The following SEMA3C variants were observed in gnomAD, a reference collection of about 807,000 sequenced individuals.
The protein encoded by SEMA3C is semaphorin 3C, also known as semaphorin-3C.
In SEMA3C, 47 loss-of-function variants were observed where a neutral mutation model predicts 89.4. The ratio of observed to expected loss-of-function variants is 0.53; its 90% CI spans 0.42 to 0.67. The LOEUF (loss-of-function observed/expected upper bound fraction) is 0.67. Ranked by LOEUF, SEMA3C falls within the 30% of genes least tolerant of loss-of-function variation. SEMA3C has a pLI of 0.00. For missense variants in SEMA3C, 839 were observed against 929.1 expected, an observed-to-expected ratio of 0.90 and a Z score of 1.26; for synonymous variants, 310 against 320.2, an observed-to-expected ratio of 0.97 and a Z score of 0.34.
chr7:80,798,781 A>C (rs559535068), intron 10 of SEMA3C, among the ~76,000 whole-genome samples: 26 of 152,110 alleles, frequency 1.7e-4, no homozygotes, highest in Middle Eastern at 6.8e-3. Context: ...ATAGGGGCCC[A>C]AAAAAAATTC....
At chr7:80,785,574 A>T (rs1788782327) in intron 12 of SEMA3C, among the ~76,000 whole-genome samples, 1 of 152,156 alleles carries the variant, frequency 6.6e-6, no homozygotes, top group African/African-American at 2.4e-5. Flanking sequence ...ATTCTCCCCT[A>T]AAAAAGCTAT....
intron 2 of SEMA3C, among the ~76,000 whole-genome samples, chr7:80,880,991 G>A (rs1463237561): frequency 2.0e-5 from 3 of 151,924 alleles, no homozygotes; most frequent in Non-Finnish European, 4.4e-5. Context: ...TACCCTTTAA[G>A]GGAGTCTCTT....
chr7:80,762,556 C>T (rs769820413), intron 13 of SEMA3C, among the ~76,000 whole-genome samples: 8 of 152,176 alleles, frequency 5.3e-5, no homozygotes, highest in South Asian at 2.1e-4. Flanking sequence ...CAGTGGCTCA[C>T]GCCTGTAATC....
At chr7:80,880,613 C>T (rs1457545597) in intron 2 of SEMA3C, among the ~76,000 whole-genome samples, 1 of 152,116 alleles carries the variant, frequency 6.6e-6, no homozygotes, top group African/African-American at 2.4e-5. Context: ...TCCATGTATA[C>T]GCCATAATCT....
At chr7:80,753,855 T>C (rs1266710080) in intron 15 of SEMA3C, among the ~76,000 whole-genome samples, 3 of 152,254 alleles carry the variant, frequency 2.0e-5, no homozygotes, top group Non-Finnish European at 2.9e-5. Flanking sequence ...CAATATTTGA[T>C]ACAAATCCAC....
chr7:80,796,052 T>G (rs1220205235), intron 11 of SEMA3C, among the ~76,000 whole-genome samples: 1 of 152,134 alleles, frequency 6.6e-6, no homozygotes, highest in Non-Finnish European at 1.5e-5. Flanking sequence ...TCTCTTAAGT[T>G]TTTTTAGGGG....
intron 2 of SEMA3C, among the ~76,000 whole-genome samples, chr7:80,834,724 T>C (rs1205958585): frequency 6.6e-6 from 1 of 152,126 alleles, no homozygotes; most frequent in African/African-American, 2.4e-5. Context: ...CTGTGGAAGA[T>C]TGGTTCCAGG....
intron 2 of SEMA3C, among the ~76,000 whole-genome samples, chr7:80,851,330 C>A (rs1343641432): frequency 1.3e-5 from 2 of 151,626 alleles, no homozygotes; most frequent in Non-Finnish European, 2.9e-5. Context: ...CATGGTGAAA[C>A]CCCATCTCTA....
In SEMA3C at chr7:80,743,612, T is replaced by A. The variant is rs1306875671; in HGVS notation, c.*1282A>T. 1 of 151,892 alleles carries A rather than the reference T, an allele frequency of 6.6e-6. No homozygotes were observed. Among genetic ancestry groups the A allele is most frequent in the Admixed American group, 6.6e-5 (1 of 15,240 alleles). 9.4% of individuals were successfully genotyped at this position (151,892 alleles called of 1,614,324 possible). On this transcript the variant is annotated 3_prime_UTR_variant, in exon 18 of 18. Transcript: ENST00000265361. ...ATTTTTTTCACATTTTTCCATCTAA[T>A]TTTTATTTGGAGAAAATAATTTCAG...
chr7:80,788,399 G>A (rs1460355491), intron 12 of SEMA3C, among the ~76,000 whole-genome samples: 1 of 152,216 alleles, frequency 6.6e-6, no homozygotes, highest in Admixed American at 6.5e-5. Flanking sequence ...AAAGACGTGA[G>A]TAGTGGTTCC....
intron 2 of SEMA3C, among the ~76,000 whole-genome samples, chr7:80,901,383 G>A (rs1791876314): frequency 6.6e-6 from 1 of 152,152 alleles, no homozygotes; most frequent in South Asian, 2.1e-4. Flanking sequence ...CACCACAGCT[G>A]TGAAACTCAC....
chr7:80,793,223 A>G (rs1202772486), intron 11 of SEMA3C: 1 of 178,936 alleles, frequency 5.6e-6, no homozygotes, highest in African/African-American at 2.4e-5. Context: ...ATGAAATGCT[A>G]GGAACAATAA....
intron 5 of SEMA3C, among the ~76,000 whole-genome samples, chr7:80,815,154 GAAAAT>G (rs1027116774): frequency 6.6e-6 from 1 of 152,128 alleles, no homozygotes; most frequent in African/African-American, 2.4e-5. Context: ...AACAATGAGA[GAAAAT>G]AATAGAGAGT....
intron 2 of SEMA3C, among the ~76,000 whole-genome samples, chr7:80,907,249 A>G (rs1416391918): frequency 6.6e-6 from 1 of 152,120 alleles, no homozygotes; most frequent in African/African-American, 2.4e-5. Context: ...TAAAGCTGTC[A>G]AAACTCTAAG....
At position 80,805,655 on chromosome 7, in the gene SEMA3C, A is replaced by G. The variant is rs1185955155; in HGVS notation, c.642T>C (p.Asn214=). The G allele has an allele frequency of 3.1e-6, 5 of 1,602,226 alleles. No individual in the cohort carries two copies. The highest frequency in any genetic ancestry group is 1.7e-5 in the Admixed American group (1 of 58,348). ...KRNAVRTDQH[N]SKWLSEPMFV... ...CTTTCTTACCACTTAGCCATTTGGA[A>G]TTATGTTGATCAGTTCTGACCGCAT... The change falls in exon 7 of 18, where the codon AAT becomes AAC. Residue 214 remains asparagine, a synonymous_variant. Coordinates refer to ENST00000265361, the MANE Select transcript of SEMA3C (RefSeq NM_006379.5).
intron 15 of SEMA3C, among the ~76,000 whole-genome samples, chr7:80,751,638 A>C (rs1209391496): frequency 6.6e-6 from 1 of 152,156 alleles, no homozygotes; most frequent in Non-Finnish European, 1.5e-5. Flanking sequence ...TCTCTAATTA[A>C]TAGTGTAAAT....
chr7:80,817,193 A>ATTTTTAAAT (rs1789628161), intron 5 of SEMA3C, among the ~76,000 whole-genome samples: 1 of 152,196 alleles, frequency 6.6e-6, no homozygotes, highest in African/African-American at 2.4e-5. Flanking sequence ...AATTATAATT[A>ATTTTTAAAT]GTTATTTTTA....
chr7:80,795,338 C>A (rs1949973), intron 11 of SEMA3C, among the ~76,000 whole-genome samples: 4 of 152,146 alleles, frequency 2.6e-5, no homozygotes, highest in Non-Finnish European at 4.4e-5. Flanking sequence ...AAAGGTCACT[C>A]CTACCCTGCC....
intron 5 of SEMA3C, among the ~76,000 whole-genome samples, chr7:80,815,368 G>A (rs1322237233): frequency 6.6e-6 from 1 of 151,934 alleles, no homozygotes; most frequent in East Asian, 1.9e-4. Flanking sequence ...TAATGTGTAG[G>A]AGTGAAATAT....
Sources: allele counts gnomAD v4.1 joint callset (sites outside exome capture counted in the v4.1 genomes callset), GRCh38; gene constraint gnomAD v4.1.1; transcripts MANE v1.5; gene names NCBI Gene and HGNC (gene_info 2026-07-23, HGNC 2026-07-21).